DNAH2: variants seen among roughly 807,000 people sequenced by gnomAD.
The protein encoded by DNAH2 is axonemal beta dynein heavy chain 2.
Under a neutral mutation model 523.5 loss-of-function variants are expected in DNAH2, and 323 were observed. The ratio of observed to expected loss-of-function variants is 0.62; its 90% CI spans 0.56 to 0.68. The LOEUF is 0.68. DNAH2 is among the 30% of genes least tolerant of loss of function. The probability of loss-of-function intolerance (pLI) is 0.00; values close to 1 mark genes in which losing one functional copy is unlikely to be tolerated. For synonymous variants in DNAH2, 2,093 were observed against 2,177.4 expected (o/e 0.96, Z 1.08); for missense variants, 4,907 against 5,701.5 (o/e 0.86, Z 4.49).
intron 24 of DNAH2, 40 bp downstream of exon 24, chr17:7,768,307 C>T (rs765106655): frequency 1.1e-5 from 18 of 1,605,376 alleles, no homozygotes; most frequent in African/African-American, 2.7e-5. Flanking sequence ...CACTCTGCCC[C>T]GCTGGCCTGC....
rs2078262052 is a variant in DNAH2, at chr17:7,833,684, G to A, written c.*151G>A. ...GCCCTGGAGATACCTAGTTGTGTTA[G>A]CCATAAAAGTGAAAGAGTTGTATTG... is the stretch of plus-strand genomic sequence containing the variant. On this transcript the variant is annotated 3_prime_UTR_variant, in exon 86 of 86. Coordinates refer to ENST00000572933, the MANE Select transcript of DNAH2 (RefSeq NM_020877.5). 2 of 1,080,570 alleles carry A rather than the reference G, an allele frequency of 1.9e-6. No homozygotes were observed. Among genetic ancestry groups the A allele is most frequent in the African/African-American group, 3.1e-5 (2 of 64,408 alleles). The allele number at this position is 1,080,570 out of a possible 1,614,324, so 66.9% of individuals were successfully genotyped here. A position where few individuals can be genotyped will look rare whatever the true frequency, so the allele number is the denominator to read the frequency against.
At chr17:7,795,597 C>A (rs2151281681) in intron 49 of DNAH2, among the ~76,000 whole-genome samples, 1 of 150,722 alleles carries the variant, frequency 6.6e-6, no homozygotes, top group South Asian at 2.1e-4. Context: ...TTGCTTGAGC[C>A]CAGGAGGTCG....
At position 7,778,317 on chromosome 17, in the gene DNAH2, C is replaced by T. The variant is rs1426773648; in HGVS notation, c.5389C>T (p.Arg1797Ter). The T allele has an allele frequency of 3.7e-6, 6 of 1,614,176 alleles. No homozygotes were observed. The highest frequency in any genetic ancestry group is 1.3e-5 in the African/African-American group (1 of 75,052). Reference protein sequence around the residue: ...MTLTTALHLHRGGSPKGPAGT... With the variant: ...MTLTTALHLH The stretch of plus-strand genomic sequence containing the variant: ...ACTGACCACGGCATTGCACCTGCAC[C>T]GAGGGGGCTCCCCCAAAGGCCCTGC... The change falls in exon 35 of 86, where the codon CGA (arginine) becomes TGA (stop). Residue 1797 changes from arginine (R) to a stop codon, truncating the protein, a stop_gained. Transcript: ENST00000572933. LOFTEE classifies it high-confidence loss of function.
intron 49 of DNAH2, 112 bp downstream of exon 49, chr17:7,794,470 C>T (rs2077009484): frequency 2.2e-6 from 2 of 894,586 alleles, no homozygotes; most frequent in South Asian, 3.6e-5. Context: ...AAGTGGAGCT[C>T]CACGCAGGAC....
rs892650673 is a variant in DNAH2, at chr17:7,745,144, G to A, written c.1904+2002G>A. Among the ~76,000 whole-genome samples the A allele has an allele frequency of 9.2e-5, 14 of 152,054 alleles. No homozygotes were observed. In the South Asian group the frequency reaches 1.2e-3, roughly 14 times the overall value. ...CGAGTATCTGGGATTACAGGCGCCC[G>A]CCACCACGCCCGGCTAATTTTTGTG... is the stretch of plus-strand genomic sequence containing the variant. On this transcript the variant is annotated intron_variant, in intron 12 of 85. Transcript: ENST00000572933.
At position 7,824,130 on chromosome 17, in the gene DNAH2, G is replaced by A; in HGVS notation, c.11488G>A (p.Asp3830Asn). 1 of 1,561,032 alleles carries A rather than the reference G, an allele frequency of 6.4e-7. No individual in the cohort carries two copies. Among genetic ancestry groups the A allele is most frequent in the Non-Finnish European group, 8.7e-7 (1 of 1,155,996 alleles). The change falls in exon 76 of 86, where the codon GAT (aspartate) becomes AAT (asparagine). Residue 3830 changes from aspartate to asparagine, a missense_variant. This residue lies in a region of DNAH2 where 1,851 missense variants were observed against 2,139.4 expected (regional missense o/e 0.87). Coordinates refer to ENST00000572933, the MANE Select transcript of DNAH2 (RefSeq NM_020877.5). ...CCTGTGCTTCTGGCAGGTGCTGGAG[G>A]ATTCAACCCCACGATCCCCACTCGT... ...PVLNMKSVLE[D>N]STPRSPLVFI...
chr17:7,770,437 ACCT>A, intron 25 of DNAH2, 29 bp downstream of exon 25: 1 of 1,611,254 alleles, frequency 6.2e-7, no homozygotes, highest in Non-Finnish European at 8.5e-7. Flanking sequence ...ATGCTCCCAC[ACCT>A]CCTGCGCCTC....
intron 8 of DNAH2, among the ~76,000 whole-genome samples, chr17:7,738,304 G>C (rs1032004327): frequency 2.6e-5 from 4 of 151,920 alleles, no homozygotes; most frequent in African/African-American, 9.7e-5. Context: ...CATTGCCCTG[G>C]CTTCTCCTTT....
At position 7,817,336 on chromosome 17, in the gene DNAH2, C is replaced by A. The variant is rs965365241; in HGVS notation, c.9941C>A (p.Ala3314Glu). 5 of 1,608,170 alleles carry A rather than the reference C, an allele frequency of 3.1e-6. No individual in the cohort carries two copies. Among genetic ancestry groups the A allele is most frequent in the Non-Finnish European group, 4.2e-6 (5 of 1,178,414 alleles). ...LGYLVGDCLLAAAFLSYMGPF... is the reference protein window; with the variant it reads ...LGYLVGDCLLEAAFLSYMGPF... ...TACCTGGTGGGGGACTGTCTCCTGG[C>A]AGCTGCCTTCCTGTCCTACATGGGA... Residue 3314 changes from alanine to glutamate, a missense_variant, in exon 65 of 86, where the codon GCA becomes GAA. Around this residue, in one of 3 missense-constraint regions of DNAH2, gnomAD observed 1,851 missense variants for 2,139.4 expected, o/e 0.87. Transcript: ENST00000572933.
chr17:7,804,304 G>A lies in DNAH2; in HGVS notation c.9021G>A (p.Leu3007=). ...AGCTGCTGGCCCAAGCCAATAAACT[G>A]CGGACAGGCTTGTTCAAGATCGACG... ...RQELLAQANK[L]RTGLFKIDET... is the part of the protein sequence containing the mutation. Residue 3007 remains leucine (L), a synonymous_variant, in exon 59 of 86, where the codon CTG becomes CTA. Coordinates refer to ENST00000572933, the MANE Select transcript of DNAH2 (RefSeq NM_020877.5). 1 of 1,614,212 alleles carries A rather than the reference G, an allele frequency of 6.2e-7. No homozygotes were observed. Among genetic ancestry groups the A allele is most frequent in the Non-Finnish European group, 8.5e-7 (1 of 1,180,046 alleles).
At chr17:7,745,430 A>G (rs1378286475) in intron 12 of DNAH2, among the ~76,000 whole-genome samples, 2 of 152,170 alleles carry the variant, frequency 1.3e-5, no homozygotes, top group South Asian at 2.1e-4. Flanking sequence ...GGGTGACAAA[A>G]TCATCTGTAC....
At chr17:7,729,189 A>G (rs2074913311) in intron 4 of DNAH2, among the ~76,000 whole-genome samples, 1 of 152,136 alleles carries the variant, frequency 6.6e-6, no homozygotes, top group African/African-American at 2.4e-5. Flanking sequence ...AATGAAAAAC[A>G]TATGCACTGA....
At chr17:7,723,850 A>G (rs2074710528) in intron 3 of DNAH2, among the ~76,000 whole-genome samples, 161 bp downstream of exon 3, 1 of 152,058 alleles carries the variant, frequency 6.6e-6, no homozygotes, top group African/African-American at 2.4e-5. Flanking sequence ...CACTGAGTAA[A>G]AGACAAAGTC....
Position 7,799,226 on chromosome 17 carries a change from A to G in DNAH2, c.8683A>G (p.Met2895Val), listed in dbSNP as rs781398829. Residue 2895 changes from methionine (M) to valine (V), a missense_variant, in exon 56 of 86, where the codon ATG becomes GTG. Around this residue, in one of 3 missense-constraint regions of DNAH2, gnomAD observed 1,851 missense variants for 2,139.4 expected, o/e 0.87. Coordinates refer to ENST00000572933, the MANE Select transcript of DNAH2 (RefSeq NM_020877.5). ...NLHIVLCLSP[M>V]GDPFRNWIRQ... ...GCACATCGTGCTCTGCCTCAGCCCC[A>G]TGGGGGATCCCTTCAGGTGACTTCT... The G allele has an allele frequency of 1.4e-5, 22 of 1,614,076 alleles. No individual in the cohort carries two copies. The Admixed American group carries it at 2.8e-4, about 21-fold the overall frequency.
chr17:7,757,358 CAAAA>C, intron 13 of DNAH2, 121 bp downstream of exon 13: 4 of 1,039,720 alleles, frequency 3.8e-6, no homozygotes, highest in Non-Finnish European at 5.2e-6. Context: ...TTTTCCATCT[CAAAA>C]AAAAAAAATT....
intron 63 of DNAH2, among the ~76,000 whole-genome samples, chr17:7,816,253 G>GTGGCTTAT (rs1285197160): frequency 6.6e-6 from 1 of 152,042 alleles, no homozygotes; most frequent in African/African-American, 2.4e-5. Flanking sequence ...ACCATCTTGT[G>GTGGCTTAT]TGGCTTATTA....
Position 7,791,992 on chromosome 17 carries a change from T to C in DNAH2, c.6976T>C (p.Cys2326Arg), listed in dbSNP as rs764941700. ...TFVFSMIWSV[C>R]ASVDEEGRKR... ...TGTGTTCAGCATGATCTGGTCTGTG[T>C]GTGCCTCTGTGGATGAGGAGGGCCG... The change falls in exon 45 of 86, where the codon TGT becomes CGT. Residue 2326 changes from cysteine to arginine, a missense_variant. Physicochemically the swap from Cys to Arg is radical, Grantham distance 180. Around this residue, in one of 3 missense-constraint regions of DNAH2, gnomAD observed 2,806 missense variants for 3,190.8 expected, o/e 0.88. Transcript: ENST00000572933. 2 of 1,614,150 alleles carry C rather than the reference T, an allele frequency of 1.2e-6. No homozygotes were observed. The highest frequency in any genetic ancestry group is 1.7e-6 in the Non-Finnish European group (2 of 1,180,026).
At chr17:7,738,639 T>C (rs960710695) in intron 8 of DNAH2, among the ~76,000 whole-genome samples, 5 of 152,200 alleles carry the variant, frequency 3.3e-5, no homozygotes, top group Non-Finnish European at 7.3e-5. Context: ...TGGCTTCTTA[T>C]TTTAATAATC....
intron 28 of DNAH2, 63 bp from the exon 29 acceptor site, chr17:7,774,696 G>A: frequency 2.8e-6 from 4 of 1,450,652 alleles, no homozygotes; most frequent in Non-Finnish European, 3.8e-6. Flanking sequence ...CAGAGTTGGG[G>A]CATCCAGATC....
Sources: allele counts gnomAD v4.1 joint callset (sites outside exome capture counted in the v4.1 genomes callset), GRCh38; gene constraint gnomAD v4.1.1; regional missense constraint gnomAD v4.1.1; transcripts MANE v1.5; gene names NCBI Gene and HGNC (gene_info 2026-07-23, HGNC 2026-07-21).